EID2: variants seen among roughly 807,000 people sequenced by gnomAD.
The protein encoded by EID2 is EP300 interacting inhibitor of differentiation 2.
Under a neutral mutation model 2.6 loss-of-function variants are expected in EID2, and 1 was observed. The ratio of observed to expected loss-of-function variants is 0.39; its 90% confidence interval spans 0.14 to 1.85. EID2 has a LOEUF of 1.85. Ranked by LOEUF, EID2 falls within the 40% of genes most tolerant of loss-of-function variation. The pLI is 0.32. For synonymous variants in EID2, 126 were observed against 147.2 expected, an observed-to-expected ratio of 0.86 and a Z score of 1.04; for missense variants, 285 against 338.4, an observed-to-expected ratio of 0.84 and a Z score of 1.24.
At position 39,539,780 on chromosome 19, in the gene EID2, GGCC is replaced by G. The variant is rs769402121; in HGVS notation, c.297_299del (p.Ala100del). On this transcript the variant is annotated inframe_deletion, in exon 1 of 1. Coordinates refer to ENST00000390658, the MANE Select transcript of EID2 (RefSeq NM_153232.4). ...CGACCTCCGCCATCCGGGCTTCCCT[GGCC>G]GCCGCCGCCGCCGGGCTTTCCCTGC... The G allele has an allele frequency of 1.7e-5, 27 of 1,597,286 alleles. No individual in the cohort carries two copies. Among genetic ancestry groups the G allele is most frequent in the Admixed American group, 6.7e-5 (4 of 59,582 alleles).
In EID2 at chr19:39,539,248, T is replaced by C. The variant is rs561134017; in HGVS notation, c.*121A>G. On this transcript the variant is annotated 3_prime_UTR_variant, in exon 1 of 1. Transcript: ENST00000390658. The stretch of plus-strand genomic sequence containing the variant: ...TTCAAGATAAGCTTCCCCCTCCCCC[T>C]TTTTTTCCCCTCCACCTGTGCACTG... The C allele has an allele frequency of 5.6e-5, 47 of 841,176 alleles. No homozygotes were observed. The highest frequency in any genetic ancestry group is 2.4e-4 in the Middle Eastern group (1 of 4,152). The allele number at this position is 841,176 out of a possible 1,614,324, so 52.1% of individuals were successfully genotyped here.
chr19:39,540,001 C>A lies in EID2; in HGVS notation c.79G>T (p.Val27Leu). Reference sequence around the variant, plus strand: ...GCCGGCTCCCGCCTCCCGCGGCCTACCTCCGCCTGCGGGACGTCTCTGTCA... The same window carrying A: ...GCCGGCTCCCGCCTCCCGCGGCCTAACTCCGCCTGCGGGACGTCTCTGTCA... Reference protein sequence around the residue: ...NGDRDVPQAEVGRGRREPAPA... With the variant: ...NGDRDVPQAELGRGRREPAPA... Residue 27 changes from valine to leucine, a missense_variant, in exon 1 of 1, where the codon GTA becomes TTA. Val to Leu is a conservative substitution (Grantham distance 32). Coordinates refer to ENST00000390658, the MANE Select transcript of EID2 (RefSeq NM_153232.4). 6.3e-7 allele frequency: 1 copy of A among 1,591,788 alleles called. No homozygotes were observed. The highest frequency in any genetic ancestry group is 8.5e-7 in the Non-Finnish European group (1 of 1,176,968).
In EID2 at chr19:39,539,174, G is replaced by A. The variant is rs1482136763; in HGVS notation, c.*195C>T. On this transcript the variant is annotated 3_prime_UTR_variant, in exon 1 of 1. Transcript: ENST00000390658. ...TGGATCAATCACAAACTCAAAGAACGTTACAGTTATAATGCTTTCGACATT... is the reference window on the plus strand; with the variant it reads ...TGGATCAATCACAAACTCAAAGAACATTACAGTTATAATGCTTTCGACATT... The A allele has an allele frequency of 9.2e-6, 5 of 543,818 alleles. No individual in the cohort carries two copies. Among genetic ancestry groups the A allele is most frequent in the Non-Finnish European group, 1.6e-5 (5 of 309,684 alleles). The allele number at this position is 543,818 out of a possible 1,614,324, so 33.7% of individuals were successfully genotyped here.
Position 39,539,860 on chromosome 19 carries a change from C to G in EID2, c.220G>C (p.Ala74Pro), listed in dbSNP as rs1972064146. 3.8e-6 allele frequency: 5 copies of G among 1,330,042 alleles called. No homozygotes were observed. Among genetic ancestry groups the G allele is most frequent in the Admixed American group, 7.4e-5 (2 of 26,940 alleles). 82.4% of individuals were successfully genotyped at this position (1,330,042 alleles called of 1,614,324 possible). Residue 74 changes from alanine to proline, a missense_variant, in exon 1 of 1, where the codon GCC (alanine) becomes CCC (proline). Coordinates refer to ENST00000390658, the MANE Select transcript of EID2 (RefSeq NM_153232.4). Reference sequence around the variant, plus strand: ...GCCGCTGCCACCGGGGCTCCCCTGGCTGCCGCCGCCGGGGCTGCCCTGGCC... The same window carrying G: ...GCCGCTGCCACCGGGGCTCCCCTGGGTGCCGCCGCCGGGGCTGCCCTGGCC... ...AAARAAPAAAARGAPVAAAAL... is the reference protein window; with the variant it reads ...AAARAAPAAAPRGAPVAAAAL...
rs1972050186 is a variant in EID2 at position 39,538,911 on chromosome 19, C to A, written c.*458G>T. 1.3e-5 allele frequency: 2 copies of A among 152,658 alleles called. No individual in the cohort carries two copies. The highest frequency in any genetic ancestry group is 6.5e-5 in the Admixed American group (1 of 15,308). 9.5% of individuals were successfully genotyped at this position (152,658 alleles called of 1,614,324 possible). A position where few individuals can be genotyped will look rare whatever the true frequency, so the allele number is the denominator to read the frequency against. On this transcript the variant is annotated 3_prime_UTR_variant, in exon 1 of 1. Transcript: ENST00000390658. ...AAAATCAATCTTAAACTAGAAACTT[C>A]TATTGAATATGACATGAAGAGAGCA... is the stretch of plus-strand genomic sequence containing the variant.
At position 39,539,177 on chromosome 19, in the gene EID2, A is replaced by G; in HGVS notation, c.*192T>C. 1.8e-6 allele frequency: 1 copy of G among 555,506 alleles called. No homozygotes were observed. Among genetic ancestry groups the G allele is most frequent in the East Asian group, 3.0e-5 (1 of 33,140 alleles). 34.4% of individuals were successfully genotyped at this position (555,506 alleles called of 1,614,324 possible). A position where few individuals can be genotyped will look rare whatever the true frequency, so the allele number is the denominator to read the frequency against. ...ATCAATCACAAACTCAAAGAACGTT[A>G]CAGTTATAATGCTTTCGACATTTTT... is the stretch of plus-strand genomic sequence containing the variant. On this transcript the variant is annotated 3_prime_UTR_variant, in exon 1 of 1. Coordinates refer to ENST00000390658, the MANE Select transcript of EID2 (RefSeq NM_153232.4).
In EID2 at chr19:39,539,975, G is replaced by A. The variant is rs200418605; in HGVS notation, c.105C>T (p.Ala35=). Residue 35 remains alanine, a synonymous_variant, in exon 1 of 1, where the codon GCC becomes GCT. Coordinates refer to ENST00000390658, the MANE Select transcript of EID2 (RefSeq NM_153232.4). ...AEVGRGRREP[A]PAQPEEAGEG... is the part of the protein sequence containing the mutation. ...CCCCGGCCTCCTCAGGCTGTGCCGG[G>A]GCCGGCTCCCGCCTCCCGCGGCCTA... The A allele has an allele frequency of 1.8e-3, 2,807 of 1,582,212 alleles. 8 individuals are homozygous for A. The highest frequency in any genetic ancestry group is 5.9e-3 in the Middle Eastern group (29 of 4,918).
rs374369388 is a variant in EID2 at position 39,539,341 on chromosome 19, G to C, written c.*28C>G. 1 of 1,585,876 alleles carries C rather than the reference G, an allele frequency of 6.3e-7. No individual in the cohort carries two copies. Among genetic ancestry groups the C allele is most frequent in the Non-Finnish European group, 8.6e-7 (1 of 1,156,728 alleles). ...GGATTGGTATGACTGGAATGCAGAG[G>C]TTCTCTTGAAGTAGTGTCACCACAT... On this transcript the variant is annotated 3_prime_UTR_variant, in exon 1 of 1. Coordinates refer to ENST00000390658, the MANE Select transcript of EID2 (RefSeq NM_153232.4).
Position 39,539,990 on chromosome 19 carries a change from C to T in EID2, c.90G>A (p.Gly30=). ...RDVPQAEVGR[G]RREPAPAQPE... ...GCTGTGCCGGGGCCGGCTCCCGCCT[C>T]CCGCGGCCTACCTCCGCCTGCGGGA... is the stretch of plus-strand genomic sequence containing the variant. The change falls in exon 1 of 1, where the codon GGG becomes GGA. Residue 30 remains glycine, a synonymous_variant. Transcript: ENST00000390658. 5 of 1,588,282 alleles carry T rather than the reference C, an allele frequency of 3.1e-6. No individual in the cohort carries two copies. The highest frequency in any genetic ancestry group is 4.3e-6 in the Non-Finnish European group (5 of 1,175,754).
At position 39,539,856 on chromosome 19, in the gene EID2, C is replaced by T. The variant is rs1045430519; in HGVS notation, c.224G>A (p.Arg75Lys). Reference protein sequence around the residue: ...AARAAPAAAARGAPVAAAALA... With the variant: ...AARAAPAAAAKGAPVAAAALA... ...CGCCGCCGCTGCCACCGGGGCTCCCCTGGCTGCCGCCGCCGGGGCTGCCCT... is the reference window on the plus strand; with the variant it reads ...CGCCGCCGCTGCCACCGGGGCTCCCTTGGCTGCCGCCGCCGGGGCTGCCCT... Residue 75 changes from arginine (R) to lysine (K), a missense_variant, in exon 1 of 1, where the codon AGG (arginine) becomes AAG (lysine). Coordinates refer to ENST00000390658, the MANE Select transcript of EID2 (RefSeq NM_153232.4). 3.0e-6 allele frequency: 4 copies of T among 1,332,446 alleles called. No homozygotes were observed. Among genetic ancestry groups the T allele is most frequent in the Non-Finnish European group, 3.8e-6 (4 of 1,049,114 alleles). 82.5% of individuals were successfully genotyped at this position (1,332,446 alleles called of 1,614,324 possible). A position where few individuals can be genotyped will look rare whatever the true frequency, so the allele number is the denominator to read the frequency against.
In EID2 at chr19:39,538,818, G is replaced by C. The variant is rs1972049624; in HGVS notation, c.*551C>G. On this transcript the variant is annotated 3_prime_UTR_variant, in exon 1 of 1. Coordinates refer to ENST00000390658, the MANE Select transcript of EID2 (RefSeq NM_153232.4). ...AAAAGTCCAGAAATTTGACGTTCTT[G>C]AAAACATGATTTATCACATAATATA... is the stretch of plus-strand genomic sequence containing the variant. The C allele has an allele frequency of 6.6e-6, 1 of 152,136 alleles. No individual in the cohort carries two copies. The highest frequency in any genetic ancestry group is 2.4e-5 in the African/African-American group (1 of 41,442). 9.4% of individuals were successfully genotyped at this position (152,136 alleles called of 1,614,324 possible).
chr19:39,540,044 C>T lies in EID2; in HGVS notation c.36G>A (p.Gln12=). ...CTCTGTCACCATTCGCCGCGCCTGT[C>T]TGCGGGACACTGCTGTCTGCGGGCA... ...SKLPADSSVP[Q]TGAANGDRDV... is the part of the protein sequence containing the mutation. The change falls in exon 1 of 1, where the codon CAG becomes CAA. Residue 12 remains glutamine, a synonymous_variant. Coordinates refer to ENST00000390658, the MANE Select transcript of EID2 (RefSeq NM_153232.4). 3 of 1,597,124 alleles carry T rather than the reference C, an allele frequency of 1.9e-6. No individual in the cohort carries two copies. Among genetic ancestry groups the T allele is most frequent in the Non-Finnish European group, 2.5e-6 (3 of 1,177,044 alleles).
At position 39,539,644 on chromosome 19, in the gene EID2, G is replaced by C; in HGVS notation, c.436C>G (p.Leu146Val). Reference sequence around the variant, plus strand: ...TGGTAATTGATGCCTAAAACGCTAAGTGGGTGGCGGAGACGGAGATAGGGC... The same window carrying C: ...TGGTAATTGATGCCTAAAACGCTAACTGGGTGGCGGAGACGGAGATAGGGC... ...ALPYLRLRHP[L>V]SVLGINYQQF... The change falls in exon 1 of 1, where the codon CTT becomes GTT. Residue 146 changes from leucine (L) to valine (V), a missense_variant. Physicochemically the swap from Leu to Val is conservative, Grantham distance 32. Coordinates refer to ENST00000390658, the MANE Select transcript of EID2 (RefSeq NM_153232.4). 3.7e-6 allele frequency: 6 copies of C among 1,614,264 alleles called. No individual in the cohort carries two copies. Among genetic ancestry groups the C allele is most frequent in the Non-Finnish European group, 5.1e-6 (6 of 1,180,038 alleles).
Position 39,539,967 on chromosome 19 carries a change from T to A in EID2, c.113A>T (p.Gln38Leu). The A allele has an allele frequency of 2.5e-6, 4 of 1,576,590 alleles. No individual in the cohort carries two copies. Among genetic ancestry groups the A allele is most frequent in the Non-Finnish European group, 3.4e-6 (4 of 1,170,972 alleles). ...GRGRREPAPA[Q>L]PEEAGEGAMA... ...CGCGCCTTCCCCGGCCTCCTCAGGCTGTGCCGGGGCCGGCTCCCGCCTCCC... is the reference window on the plus strand; with the variant it reads ...CGCGCCTTCCCCGGCCTCCTCAGGCAGTGCCGGGGCCGGCTCCCGCCTCCC... The change falls in exon 1 of 1, where the codon CAG becomes CTG. Residue 38 changes from glutamine to leucine, a missense_variant. Transcript: ENST00000390658.
chr19:39,539,027 T>G lies in EID2; in HGVS notation c.*342A>C. 1 of 221,422 alleles carries G rather than the reference T, an allele frequency of 4.5e-6. No individual in the cohort carries two copies. Among genetic ancestry groups the G allele is most frequent in the Non-Finnish European group, 9.1e-6 (1 of 109,700 alleles). 13.7% of individuals were successfully genotyped at this position (221,422 alleles called of 1,614,324 possible). On this transcript the variant is annotated 3_prime_UTR_variant, in exon 1 of 1. Coordinates refer to ENST00000390658, the MANE Select transcript of EID2 (RefSeq NM_153232.4). ...TATTCTGTTCAGCACTATTTGATAA[T>G]TTCTTTCATCCTCATGGGCTCTAGT...
rs763480145 is a variant in EID2 at position 39,538,997 on chromosome 19, C to T, written c.*372G>A. 4 of 169,528 alleles carry T rather than the reference C, an allele frequency of 2.4e-5. No homozygotes were observed. Among genetic ancestry groups the T allele is most frequent in the Non-Finnish European group, 5.1e-5 (4 of 78,354 alleles). The allele number at this position is 169,528 out of a possible 1,614,324, so 10.5% of individuals were successfully genotyped here. A position where few individuals can be genotyped will look rare whatever the true frequency, so the allele number is the denominator to read the frequency against. ...TCCAGTCCTAATAACTCAGCGTTAA[C>T]ATCTTATTCTGTTCAGCACTATTTG... On this transcript the variant is annotated 3_prime_UTR_variant, in exon 1 of 1. Coordinates refer to ENST00000390658, the MANE Select transcript of EID2 (RefSeq NM_153232.4).
In EID2 at chr19:39,539,641, T is replaced by C. The variant is rs1357075984; in HGVS notation, c.439A>G (p.Ser147Gly). The change falls in exon 1 of 1, where the codon AGC becomes GGC. Residue 147 changes from serine (S) to glycine (G), a missense_variant. Ser to Gly is a moderately conservative substitution (Grantham distance 56, BLOSUM62 0). Transcript: ENST00000390658. ...TGCTGGTAATTGATGCCTAAAACGC[T>C]AAGTGGGTGGCGGAGACGGAGATAG... is the stretch of plus-strand genomic sequence containing the variant. ...LPYLRLRHPL[S>G]VLGINYQQFL... 1.9e-6 allele frequency: 3 copies of C among 1,614,116 alleles called. No homozygotes were observed. Among genetic ancestry groups the C allele is most frequent in the Non-Finnish European group, 2.5e-6 (3 of 1,180,050 alleles).
chr19:39,540,019 C>T lies in EID2; in HGVS notation c.61G>A (p.Asp21Asn). 6.3e-7 allele frequency: 1 copy of T among 1,595,254 alleles called. No individual in the cohort carries two copies. The highest frequency in any genetic ancestry group is 2.3e-5 in the East Asian group (1 of 43,910). ...PQTGAANGDRDVPQAEVGRGR... is the reference protein window; with the variant it reads ...PQTGAANGDRNVPQAEVGRGR... The stretch of plus-strand genomic sequence containing the variant: ...CGGCCTACCTCCGCCTGCGGGACGT[C>T]TCTGTCACCATTCGCCGCGCCTGTC... Residue 21 changes from aspartate to asparagine, a missense_variant, in exon 1 of 1, where the codon GAC (aspartate) becomes AAC (asparagine). Physicochemically the swap from Asp to Asn is conservative, Grantham distance 23 (BLOSUM62 1). Coordinates refer to ENST00000390658, the MANE Select transcript of EID2 (RefSeq NM_153232.4).
In EID2 at chr19:39,539,330, G is replaced by T; in HGVS notation, c.*39C>A. ...ATCAAGTTGCAGGATTGGTATGACT[G>T]GAATGCAGAGGTTCTCTTGAAGTAG... On this transcript the variant is annotated 3_prime_UTR_variant, in exon 1 of 1. Transcript: ENST00000390658. 1 of 1,562,348 alleles carries T rather than the reference G, an allele frequency of 6.4e-7. No homozygotes were observed. Among genetic ancestry groups the T allele is most frequent in the South Asian group, 1.1e-5 (1 of 88,246 alleles).
Sources: allele counts gnomAD v4.1 joint callset, GRCh38; gene constraint gnomAD v4.1.1; transcripts MANE v1.5; gene names NCBI Gene and HGNC (gene_info 2026-07-23, HGNC 2026-07-21).